CSMD3: variants seen among roughly 807,000 people sequenced by gnomAD.
CSMD3 encodes CUB and Sushi multiple domains 3.
A neutral mutation model predicts 435.2 loss-of-function variants in CSMD3; 177 were observed. The observed-to-expected ratio is 0.41, with a 90% CI of 0.36 to 0.46. The LOEUF is 0.46. CSMD3 is among the 20% of genes least tolerant of loss of function. CSMD3 has a pLI of 0.34. For missense variants in CSMD3, 4,265 were observed against 4,504.6 expected, an observed-to-expected ratio of 0.95 and a Z score of 1.52; for synonymous variants, 1,656 against 1,520.5, an observed-to-expected ratio of 1.09 and a Z score of -2.07.
intron 52 of CSMD3, among the ~76,000 whole-genome samples, chr8:112,304,316 T>C (rs939925395): frequency 1.3e-5 from 2 of 151,740 alleles, no homozygotes; most frequent in Non-Finnish European, 2.9e-5. Flanking sequence ...TGGTCAAATA[T>C]CATTTCTCTA....
chr8:112,270,280 C>G (rs1374877127), intron 59 of CSMD3, among the ~76,000 whole-genome samples: 1 of 150,392 alleles, frequency 6.6e-6, no homozygotes, highest in African/African-American at 2.5e-5. Flanking sequence ...ATGAACAAGG[C>G]AAATCACAGC....
chr8:112,931,288 A>G (rs2083098962), intron 9 of CSMD3, among the ~76,000 whole-genome samples: 1 of 152,072 alleles, frequency 6.6e-6, no homozygotes, highest in Non-Finnish European at 1.5e-5. Flanking sequence ...TAAAGATTAA[A>G]CTATCCTGAT....
intron 32 of CSMD3, among the ~76,000 whole-genome samples, chr8:112,462,201 C>T (rs1002715668): frequency 7.9e-5 from 12 of 152,158 alleles, no homozygotes; most frequent in African/African-American, 2.4e-4. Flanking sequence ...GACATTGAAC[C>T]TCATGTCAAA....
chr8:113,187,675 GAGAA>G (rs2092527848), intron 3 of CSMD3, among the ~76,000 whole-genome samples: 1 of 151,904 alleles, frequency 6.6e-6, no homozygotes, highest in Non-Finnish European at 1.5e-5. Flanking sequence ...TTTTAAAAAA[GAGAA>G]AGAGAGTGAA....
chr8:112,237,104 A>G (rs1813658695), intron 67 of CSMD3, 86 bp downstream of exon 67: 1 of 1,402,390 alleles, frequency 7.1e-7, no homozygotes, highest in Admixed American at 1.7e-5. Flanking sequence ...ACATTTCACC[A>G]TATAAAAAGC....
intron 3 of CSMD3, among the ~76,000 whole-genome samples, chr8:113,221,519 T>A (rs982361853): frequency 2.6e-5 from 4 of 151,312 alleles, no homozygotes; most frequent in South Asian, 2.1e-4. Context: ...AATTTATTTT[T>A]AAAAATTTAA....
chr8:112,665,903 A>G (rs779423208), intron 17 of CSMD3, among the ~76,000 whole-genome samples: 1 of 152,114 alleles, frequency 6.6e-6, no homozygotes, highest in African/African-American at 2.4e-5. Context: ...CTTAGACTGC[A>G]CTAGTGTTGA....
chr8:112,906,182 T>A (rs535764855), intron 10 of CSMD3, among the ~76,000 whole-genome samples: 1 of 151,244 alleles, frequency 6.6e-6, no homozygotes, highest in African/African-American at 2.4e-5. Context: ...AGTATAGAAT[T>A]CCAACTAAGA....
intron 5 of CSMD3, among the ~76,000 whole-genome samples, chr8:113,093,152 C>A (rs2090059369): frequency 6.6e-6 from 1 of 151,964 alleles, no homozygotes; most frequent in Non-Finnish European, 1.5e-5. Context: ...GTTATTTGAG[C>A]AAAGATATGT....
chr8:112,957,925 A>G (rs2084088805), intron 7 of CSMD3, among the ~76,000 whole-genome samples: 1 of 152,016 alleles, frequency 6.6e-6, no homozygotes, highest in Non-Finnish European at 1.5e-5. Flanking sequence ...TTTGTATTTT[A>G]GTAGAGACAG....
chr8:112,800,366 T>C, intron 12 of CSMD3, 92 bp from the exon 13 acceptor site: 2 of 890,592 alleles, frequency 2.2e-6, no homozygotes, highest in Non-Finnish European at 1.9e-6. Flanking sequence ...CAATACTTTC[T>C]TTGCTAGAAA....
At chr8:113,328,357 G>A (rs1203324906) in intron 1 of CSMD3, among the ~76,000 whole-genome samples, 1 of 147,106 alleles carries the variant, frequency 6.8e-6, no homozygotes, top group Non-Finnish European at 1.5e-5. Context: ...AGAATGGCGT[G>A]AATCCGGGAG....
At chr8:112,864,093 A>G (rs2080905077) in intron 10 of CSMD3, among the ~76,000 whole-genome samples, 1 of 152,228 alleles carries the variant, frequency 6.6e-6, no homozygotes, top group Non-Finnish European at 1.5e-5. Context: ...CATTATTTAC[A>G]TGCAATATAA....
chr8:112,483,589 A>G (rs769251160), intron 31 of CSMD3, among the ~76,000 whole-genome samples: 1 of 152,212 alleles, frequency 6.6e-6, no homozygotes, highest in Non-Finnish European at 1.5e-5. Context: ...GAACTGGAAC[A>G]GGAAGTGTCT....
chr8:113,052,017 A>G (rs1272615058), intron 5 of CSMD3, among the ~76,000 whole-genome samples: 1 of 152,146 alleles, frequency 6.6e-6, no homozygotes. Flanking sequence ...TATTAGTAGG[A>G]TTTGGATATT....
intron 6 of CSMD3, among the ~76,000 whole-genome samples, chr8:113,015,828 TAG>T (rs1278402021): frequency 4.6e-5 from 7 of 151,862 alleles, no homozygotes; most frequent in African/African-American, 1.7e-4. Flanking sequence ...TGGAAAAGAA[TAG>T]AGTTTAGTTT....
chr8:112,239,145 C>T (rs184828503), intron 66 of CSMD3, among the ~76,000 whole-genome samples: 1 of 152,018 alleles, frequency 6.6e-6, no homozygotes, highest in Admixed American at 6.6e-5. Flanking sequence ...CTGTCTCTCC[C>T]TTCTGATTTC....
intron 5 of CSMD3, among the ~76,000 whole-genome samples, chr8:113,072,349 G>C (rs1177823395): frequency 6.6e-6 from 1 of 151,650 alleles, no homozygotes; most frequent in African/African-American, 2.4e-5. Flanking sequence ...AGTAGTGCTA[G>C]TGGGCATCCT....
chr8:113,326,849 T>C (rs2093987548), intron 1 of CSMD3, among the ~76,000 whole-genome samples: 3 of 152,132 alleles, frequency 2.0e-5, no homozygotes, highest in African/African-American at 7.2e-5. Flanking sequence ...TTAAACCTTT[T>C]GATATTTGAG....
Sources: allele counts gnomAD v4.1 joint callset (sites outside exome capture counted in the v4.1 genomes callset), GRCh38; gene constraint gnomAD v4.1.1; transcripts MANE v1.5; gene names NCBI Gene and HGNC (gene_info 2026-07-23, HGNC 2026-07-21).